The following PTPRZ1 variants were observed in gnomAD, a reference collection of about 807,000 sequenced individuals.
PTPRZ1 encodes receptor-type tyrosine-protein phosphatase zeta.
In PTPRZ1, 82 loss-of-function variants were observed where a neutral mutation model predicts 214.1. The ratio of observed to expected loss-of-function variants is 0.38; its 90% confidence interval spans 0.32 to 0.46. PTPRZ1 has a LOEUF of 0.46. Ranked by LOEUF, PTPRZ1 falls within the 20% of genes least tolerant of loss-of-function variation. The pLI is 1.00. For synonymous variants in PTPRZ1, 945 were observed against 987.9 expected (o/e 0.96, Z 0.81); for missense variants, 2,603 against 2,748.7 (o/e 0.95, Z 1.19).
chr7:122,034,437 A>T, intron 17 of PTPRZ1, 59 bp downstream of exon 17: 8 of 1,510,148 alleles, frequency 5.3e-6, no homozygotes, highest in Non-Finnish European at 7.3e-6. Context: ...GGTGCCTTTT[A>T]AAAGTGTCCT....
At chr7:121,951,705 A>T (rs1050066069) in intron 2 of PTPRZ1, among the ~76,000 whole-genome samples, 11 of 152,156 alleles carry the variant, frequency 7.2e-5, no homozygotes, top group Non-Finnish European at 1.5e-4. Context: ...TACCTGTAGA[A>T]GTCCTAAGCC....
chr7:121,984,314 C>A (rs1230351054), intron 8 of PTPRZ1, among the ~76,000 whole-genome samples, 197 bp downstream of exon 8: 1 of 152,156 alleles, frequency 6.6e-6, no homozygotes, highest in Non-Finnish European at 1.5e-5. Context: ...AAAATCTATT[C>A]TTCCCATAAG....
intron 2 of PTPRZ1, among the ~76,000 whole-genome samples, chr7:121,962,574 A>G (rs1584687087): frequency 1.3e-5 from 2 of 148,256 alleles, no homozygotes; most frequent in African/African-American, 4.9e-5. Flanking sequence ...CCTGTGCACA[A>G]TTTTTTTTTT....
chr7:121,873,638 TGCCGCC>T (rs747244152), intron 1 of PTPRZ1, 81 bp downstream of exon 1: 11 of 1,513,360 alleles, frequency 7.3e-6, no homozygotes, highest in Admixed American at 3.4e-5. Context: ...GTCCGCGACT[TGCCGCC>T]GCCGCCGCCA....
intron 11 of PTPRZ1, among the ~76,000 whole-genome samples, chr7:122,008,478 A>G (rs1273680524): frequency 6.6e-6 from 1 of 152,148 alleles, no homozygotes; most frequent in Non-Finnish European, 1.5e-5. Context: ...ACTAGATCTA[A>G]AACACAGAAG....
At chr7:121,991,072 T>G (rs950031308) in intron 8 of PTPRZ1, among the ~76,000 whole-genome samples, 2 of 152,168 alleles carry the variant, frequency 1.3e-5, no homozygotes, top group African/African-American at 4.8e-5. Flanking sequence ...GCACCAATAC[T>G]TATTAGTCAT....
At chr7:121,918,501 T>C (rs1795491760) in intron 1 of PTPRZ1, among the ~76,000 whole-genome samples, 1 of 152,170 alleles carries the variant, frequency 6.6e-6, no homozygotes, top group Non-Finnish European at 1.5e-5. Context: ...TTTCATAAGC[T>C]TAACTTTAAA....
intron 2 of PTPRZ1, among the ~76,000 whole-genome samples, chr7:121,963,201 G>GTA (rs1034241725): frequency 6.6e-6 from 1 of 152,184 alleles, no homozygotes; most frequent in African/African-American, 2.4e-5. Context: ...CAAAGGAGGT[G>GTA]TAGCATAGAG....
At chr7:122,039,397 T>C (rs150359903) in intron 19 of PTPRZ1, 57 bp from the exon 20 acceptor site, 2 of 1,575,438 alleles carry the variant, frequency 1.3e-6, no homozygotes, top group East Asian at 4.5e-5. Context: ...TTTCAGGGAA[T>C]GACTTTTACA....
intron 1 of PTPRZ1, among the ~76,000 whole-genome samples, chr7:121,907,298 C>T (rs1795145018): frequency 6.6e-6 from 1 of 151,972 alleles, no homozygotes; most frequent in Non-Finnish European, 1.5e-5. Context: ...TGAAGAACTA[C>T]ACACCCTAAT....
At chr7:121,984,442 T>A (rs1172347047) in intron 8 of PTPRZ1, among the ~76,000 whole-genome samples, 3 of 152,144 alleles carry the variant, frequency 2.0e-5, no homozygotes, top group African/African-American at 7.2e-5. Context: ...CTTTCTGGTA[T>A]TTGCCTGGGC....
intron 19 of PTPRZ1, 50 bp from the exon 20 acceptor site, chr7:122,039,404 T>C: frequency 1.9e-6 from 3 of 1,594,234 alleles, no homozygotes; most frequent in Non-Finnish European, 2.6e-6. Flanking sequence ...GAATGACTTT[T>C]ACATGGAGCA....
intron 1 of PTPRZ1, among the ~76,000 whole-genome samples, chr7:121,880,582 A>G (rs1794208780): frequency 6.6e-6 from 1 of 152,166 alleles, no homozygotes; most frequent in Non-Finnish European, 1.5e-5. Context: ...TGATTAACTC[A>G]GTACCTTGAG....
rs780776709 is a variant in PTPRZ1, at chr7:122,012,837, A to G, written c.3791A>G (p.Tyr1264Cys). 6 of 1,613,274 alleles carry G rather than the reference A, an allele frequency of 3.7e-6. No individual in the cohort carries two copies. The Admixed American group carries it at 1.0e-4, about 27-fold the overall frequency. Reference sequence around the variant, plus strand: ...TCACTTCAAGGTTTGACCATTTCCTATGCAAGTGAGAAATATGAACCAGTT... The same window carrying G: ...TCACTTCAAGGTTTGACCATTTCCTGTGCAAGTGAGAAATATGAACCAGTT... Reference protein sequence around the residue: ...SASLQGLTISYASEKYEPVLL... With the variant: ...SASLQGLTISCASEKYEPVLL... The change falls in exon 12 of 30, where the codon TAT (tyrosine) becomes TGT (cysteine). Residue 1264 changes from tyrosine to cysteine, a missense_variant. Coordinates refer to ENST00000393386, the MANE Select transcript of PTPRZ1 (RefSeq NM_002851.3).
chr7:121,934,945 A>G (rs1796030414), intron 2 of PTPRZ1, among the ~76,000 whole-genome samples: 1 of 151,994 alleles, frequency 6.6e-6, no homozygotes, highest in Non-Finnish European at 1.5e-5. Context: ...GAAAATTGCT[A>G]AGAGTAGATT....
At chr7:122,004,056 TAC>T in intron 10 of PTPRZ1, among the ~76,000 whole-genome samples, 1 of 152,306 alleles carries the variant, frequency 6.6e-6, no homozygotes, top group East Asian at 1.9e-4. Flanking sequence ...CTCTTCATTT[TAC>T]CTGGTGCAGC....
chr7:121,942,042 G>A (rs1041268864), intron 2 of PTPRZ1, among the ~76,000 whole-genome samples: 1 of 152,146 alleles, frequency 6.6e-6, no homozygotes, highest in African/African-American at 2.4e-5. Context: ...CATTATCCAA[G>A]CTCAGTGAGA....
rs149604821 is a variant in PTPRZ1, at chr7:122,061,228, AG to A, written c.*12del. 8.8e-4 allele frequency: 1,382 copies of A among 1,578,874 alleles called. 9 individuals carry two copies. The African/African-American group carries it at 0.017, about 19-fold the overall frequency. On this transcript the variant is annotated 3_prime_UTR_variant, in exon 30 of 30. Transcript: ENST00000393386. ...TTAGAGTCTTTAGTTTAACACAGAA[AG>A]GGGTGGGGGAACTCACATCTGAGCA...
chr7:122,011,762 T>C lies in PTPRZ1; in HGVS notation c.2716T>C (p.Ser906Pro). Residue 906 changes from serine (S) to proline (P), a missense_variant, in exon 12 of 30, where the codon TCT becomes CCT. Physicochemically the swap from Ser to Pro is moderately conservative, Grantham distance 74. Coordinates refer to ENST00000393386, the MANE Select transcript of PTPRZ1 (RefSeq NM_002851.3). ...TGTTCTTTATAAAACGCTTATGTTT[T>C]CTCAAGTTGAACCACCCAGCAGTGA... is the stretch of plus-strand genomic sequence containing the variant. Reference protein sequence around the residue: ...SGVLYKTLMFSQVEPPSSDAM... With the variant: ...SGVLYKTLMFPQVEPPSSDAM... The C allele has an allele frequency of 6.2e-7, 1 of 1,614,180 alleles. No homozygotes were observed. Among genetic ancestry groups the C allele is most frequent in the Non-Finnish European group, 8.5e-7 (1 of 1,180,014 alleles).
Sources: allele counts gnomAD v4.1 joint callset (sites outside exome capture counted in the v4.1 genomes callset), GRCh38; gene constraint gnomAD v4.1.1; transcripts MANE v1.5; gene names NCBI Gene and HGNC (gene_info 2026-07-23, HGNC 2026-07-21).